SERPINB8: variants seen among roughly 807,000 people sequenced by gnomAD.
SERPINB8 encodes serpin B8.
A neutral mutation model predicts 35.3 loss-of-function variants in SERPINB8; 25 were observed. That is an observed-to-expected ratio of 0.71 (90% CI 0.52 to 0.99). The LOEUF (loss-of-function observed/expected upper bound fraction) is 0.99. Among genes scored for constraint, SERPINB8 ranks in the 50% least tolerant of loss-of-function variants. SERPINB8 has a pLI of 0.00. For missense variants in SERPINB8, 484 were observed against 446.5 expected, an observed-to-expected ratio of 1.08 and a Z score of -0.76; for synonymous variants, 186 against 160.8, an observed-to-expected ratio of 1.16 and a Z score of -1.19.
At chr18:63,973,726 C>T (rs974699083) in intron 1 of SERPINB8, among the ~76,000 whole-genome samples, 1 of 152,208 alleles carries the variant, frequency 6.6e-6, no homozygotes, top group Non-Finnish European at 1.5e-5. Flanking sequence ...TTTCCCAGCA[C>T]CATTTATTAA....
At chr18:63,996,285 C>G (rs28550914) in intron 1 of SERPINB8, among the ~76,000 whole-genome samples, 5 of 152,178 alleles carry the variant, frequency 3.3e-5, no homozygotes, top group African/African-American at 1.2e-4. Flanking sequence ...CTCTGTCTGG[C>G]CTGCGCACAT....
At chr18:63,990,674 C>A (rs550772498), downstream of SERPINB8, among the ~76,000 whole-genome samples, 3 of 151,174 alleles carry the variant, frequency 2.0e-5, no homozygotes, top group Non-Finnish European at 2.9e-5. Context: ...CCCTCCCCCC[C>A]ACCCCACAAC....
In SERPINB8 at chr18:63,970,139, G is replaced by GGCGGCGGCGGCGGCGGTA; in HGVS notation, c.-31_-30insGGCGGTAGCGGCGGCGGC. 1 of 365,924 alleles carries GGCGGCGGCGGCGGCGGTA rather than the reference G, an allele frequency of 2.7e-6. No homozygotes were observed. Among genetic ancestry groups the GGCGGCGGCGGCGGCGGTA allele is most frequent in the Non-Finnish European group, 5.4e-6 (1 of 185,670 alleles). The allele number at this position is 365,924 out of a possible 1,614,324, so 22.7% of individuals were successfully genotyped here. On this transcript the variant is annotated 5_prime_UTR_variant, in exon 1 of 7. Transcript: ENST00000397985. ...GAATAGTCAAAGCAGCAGCGGCGGCGGCGGCGGCGGCAGCAGCAGCAGCAG... is the reference window on the plus strand; with the variant it reads ...GAATAGTCAAAGCAGCAGCGGCGGCGGCGGCGGCGGCGGCGGTAGCGGCGGCGGCAGCAGCAGCAGCAG...
intron 1 of SERPINB8, among the ~76,000 whole-genome samples, chr18:63,974,335 T>C (rs1383444379): frequency 6.6e-6 from 1 of 152,236 alleles, no homozygotes; most frequent in Non-Finnish European, 1.5e-5. Context: ...GTGAACATTC[T>C]ACATAAATGC....
intron 7 of SERPINB8, among the ~76,000 whole-genome samples, chr18:64,016,382 T>A (rs1202149995): frequency 6.6e-6 from 1 of 152,332 alleles, no homozygotes. Context: ...GACCTACCTA[T>A]GATATAATTC....
chr18:63,970,644 CCGGGAGTG>C (rs1568264596), intron 1 of SERPINB8: 1 of 152,444 alleles, frequency 6.6e-6, no homozygotes, highest in African/African-American at 2.4e-5. Context: ...GGAGGAGGCT[CCGGGAGTG>C]CGGGTGGCGG....
At chr18:64,011,635 T>C (rs754524496) in intron 7 of SERPINB8, among the ~76,000 whole-genome samples, 7 of 152,174 alleles carry the variant, frequency 4.6e-5, no homozygotes, top group Non-Finnish European at 1.0e-4. Context: ...ATTTGTTGAG[T>C]AGAGCTGCCA....
chr18:63,979,416 T>G (rs2050634023), intron 2 of SERPINB8, among the ~76,000 whole-genome samples: 1 of 152,248 alleles, frequency 6.6e-6, no homozygotes, highest in Non-Finnish European at 1.5e-5. Context: ...ACTGCCTTGC[T>G]GGCATGAATA....
At chr18:64,001,625 C>T (rs2050875419) in intron 1 of SERPINB8, among the ~76,000 whole-genome samples, 1 of 151,842 alleles carries the variant, frequency 6.6e-6, no homozygotes, top group South Asian at 2.1e-4. Context: ...CAAGTAGCTG[C>T]GATTATAGGC....
chr18:63,995,841 A>T (rs956425886), intron 1 of SERPINB8, among the ~76,000 whole-genome samples: 1 of 152,268 alleles, frequency 6.6e-6, no homozygotes, highest in African/African-American at 2.4e-5. Flanking sequence ...TGGGTGCTAC[A>T]GCTGAGGAGA....
At chr18:64,007,285 A>T (rs546445196), downstream of SERPINB8, among the ~76,000 whole-genome samples, 13 of 152,252 alleles carry the variant, frequency 8.5e-5, no homozygotes, top group African/African-American at 3.1e-4. Flanking sequence ...TAAGGAAAAA[A>T]ACAACCTGAA....
At chr18:63,982,538 T>C (rs2050688544) in intron 4 of SERPINB8, among the ~76,000 whole-genome samples, 1 of 152,204 alleles carries the variant, frequency 6.6e-6, no homozygotes, top group Non-Finnish European at 1.5e-5. Context: ...TAGCACTCAT[T>C]ATTGCATCCA....
chr18:64,017,987 T>C (rs2050958406), intron 7 of SERPINB8, among the ~76,000 whole-genome samples: 1 of 152,200 alleles, frequency 6.6e-6, no homozygotes. Flanking sequence ...CAATCACAAT[T>C]GTCCCAGGTT....
chr18:64,005,831 G>T (rs1306668667), downstream of SERPINB8, among the ~76,000 whole-genome samples: 3 of 152,180 alleles, frequency 2.0e-5, no homozygotes, highest in Admixed American at 2.0e-4. Context: ...GGTGGGGAGA[G>T]GTATTAGGAC....
intron 3 of SERPINB8, among the ~76,000 whole-genome samples, 158 bp downstream of exon 3, chr18:63,980,096 C>G (rs893631303): frequency 6.6e-6 from 1 of 152,150 alleles, no homozygotes; most frequent in Non-Finnish European, 1.5e-5. Context: ...GAATTACGTC[C>G]TTTGTAAATT....
At chr18:64,015,475 C>T (rs556875662) in intron 7 of SERPINB8, among the ~76,000 whole-genome samples, 2 of 152,294 alleles carry the variant, frequency 1.3e-5, no homozygotes, top group South Asian at 4.1e-4. Flanking sequence ...AACAAATCCG[C>T]AGCACAACAC....
At position 64,011,160 on chromosome 18, in the gene SERPINB8, T is replaced by C. The variant is rs1476597232; in HGVS notation, c.*2+6280T>C. On this transcript the variant is annotated intron_variant, in intron 7 of 7. Transcript: ENST00000636430. ...TACTAAAAGACAAAAATCTTTTAGATTGGAAATGAACAGCAGTGTTTTGCC... is the reference window on the plus strand; with the variant it reads ...TACTAAAAGACAAAAATCTTTTAGACTGGAAATGAACAGCAGTGTTTTGCC... 2.0e-5 allele frequency among the ~76,000 whole-genome samples: 3 copies of C among 152,038 alleles called. No homozygotes were observed. In the East Asian group the frequency reaches 5.8e-4, roughly 29 times the overall value.
intron 1 of SERPINB8, among the ~76,000 whole-genome samples, chr18:63,976,484 T>C (rs1400596391): frequency 6.6e-6 from 1 of 152,214 alleles, no homozygotes; most frequent in Non-Finnish European, 1.5e-5. Flanking sequence ...GATGATTACA[T>C]TTCAAAAGGA....
chr18:64,011,334 T>TA lies in SERPINB8; in HGVS notation c.*2+6460dup, dbSNP rs759145927. The stretch of plus-strand genomic sequence containing the variant: ...AAAAAGTAGACTTCAATGAAATAAA[T>TA]AAAAAAGCAGAAATGCTGTCATTTG... On this transcript the variant is annotated intron_variant, in intron 7 of 7. Coordinates refer to the SERPINB8 transcript ENST00000636430. Among the ~76,000 whole-genome samples the TA allele has an allele frequency of 3.9e-4, 59 of 152,114 alleles. 1 individual carries two copies. Among genetic ancestry groups the TA allele is most frequent in the African/African-American group, 1.4e-3 (58 of 41,534 alleles).
Sources: gnomAD v4.1 joint callset for allele counts (sites outside exome capture counted in the v4.1 genomes callset) on GRCh38, gnomAD v4.1.1 for gene constraint, MANE v1.5 for transcripts, NCBI Gene and HGNC (gene_info 2026-07-23, HGNC 2026-07-21) for gene names.